The following FCHSD2 variants were observed in gnomAD, a reference collection of about 807,000 sequenced individuals.
FCHSD2 encodes the protein F-BAR and double SH3 domains protein 2.
A neutral mutation model predicts 108.1 loss-of-function variants in FCHSD2; 38 were observed. That is an observed-to-expected ratio of 0.35 (90% CI 0.27 to 0.46). FCHSD2 has a LOEUF of 0.46. Ranked by LOEUF, FCHSD2 falls within the 20% of genes least tolerant of loss-of-function variation. The pLI is 1.00. For missense variants in FCHSD2, 751 were observed against 897.8 expected, an observed-to-expected ratio of 0.84 and a Z score of 2.09; for synonymous variants, 279 against 314.7, an observed-to-expected ratio of 0.89 and a Z score of 1.20.
chr11:73,130,025 C>T (rs1239405326), intron 2 of FCHSD2, among the ~76,000 whole-genome samples: 1 of 151,770 alleles, frequency 6.6e-6, no homozygotes, highest in Non-Finnish European at 1.5e-5. Context: ...GGACTCCAGG[C>T]ACCCGCCACC....
chr11:73,012,932 C>T (rs559721202), intron 4 of FCHSD2, among the ~76,000 whole-genome samples: 1 of 152,290 alleles, frequency 6.6e-6, no homozygotes, highest in South Asian at 2.1e-4. Context: ...TTGATTTCTG[C>T]TACAATTTCC....
In FCHSD2 at chr11:72,921,728, C is replaced by CA. The variant is rs1478607661; in HGVS notation, c.828+99dup. 51 of 906,286 alleles carry CA rather than the reference C, an allele frequency of 5.6e-5. No individual in the cohort carries two copies. The African/African-American group carries it at 7.5e-4, about 13-fold the overall frequency. The allele number at this position is 906,286 out of a possible 1,614,324, so 56.1% of individuals were successfully genotyped here. On this transcript the variant is annotated intron_variant, in intron 9 of 19. Transcript: ENST00000409418. ...TTACCAGGAAATTTGTTCGTTAATG[C>CA]ATTCTTCTAATATCACTAGTACCTT...
intron 9 of FCHSD2, among the ~76,000 whole-genome samples, chr11:72,906,572 G>A (rs1855635171): frequency 6.6e-6 from 1 of 152,210 alleles, no homozygotes; most frequent in East Asian, 1.9e-4. Context: ...TTACATTTAA[G>A]TCTTTAATCC....
intron 8 of FCHSD2, among the ~76,000 whole-genome samples, chr11:72,959,211 TC>T (rs1193111204): frequency 1.4e-4 from 19 of 134,606 alleles, no homozygotes; most frequent in African/African-American, 4.5e-4. Context: ...ACTTCATATA[TC>T]CAGCAGTCTT....
intron 3 of FCHSD2, among the ~76,000 whole-genome samples, chr11:73,074,868 C>T (rs753608143): frequency 3.9e-5 from 6 of 152,162 alleles, no homozygotes; most frequent in South Asian, 2.1e-4. Context: ...ACTAGGATCA[C>T]GCCACTGCAC....
chr11:73,049,539 T>C (rs1591513166), intron 3 of FCHSD2, among the ~76,000 whole-genome samples: 1 of 90,234 alleles, frequency 1.1e-5, no homozygotes, highest in Non-Finnish European at 2.1e-5. Flanking sequence ...TGTGGTGGGG[T>C]CGGGGGAGGG....
At chr11:72,849,686 A>G in intron 14 of FCHSD2, 69 bp downstream of exon 14, 3 of 1,191,376 alleles carry the variant, frequency 2.5e-6, no homozygotes, top group Non-Finnish European at 3.7e-6. Context: ...GAGAGACTGG[A>G]TGGATACAGT....
chr11:72,999,986 A>T (rs1416559302), intron 5 of FCHSD2, among the ~76,000 whole-genome samples: 2 of 152,176 alleles, frequency 1.3e-5, no homozygotes, highest in African/African-American at 2.4e-5. Context: ...ATTTTTTGGC[A>T]AAGATAAAAC....
At chr11:73,022,349 G>A (rs1211826562) in intron 3 of FCHSD2, among the ~76,000 whole-genome samples, 2 of 152,120 alleles carry the variant, frequency 1.3e-5, no homozygotes, top group African/African-American at 4.8e-5. Flanking sequence ...TGACATGATT[G>A]TCTATGTAAG....
intron 3 of FCHSD2, among the ~76,000 whole-genome samples, chr11:73,033,818 G>T (rs1038291482): frequency 1.3e-5 from 2 of 152,188 alleles, no homozygotes; most frequent in African/African-American, 4.8e-5. Flanking sequence ...ACTAGGTTAA[G>T]TAGGTTTTTT....
chr11:72,993,623 C>T (rs1296587775), intron 5 of FCHSD2, among the ~76,000 whole-genome samples: 1 of 152,060 alleles, frequency 6.6e-6, no homozygotes, highest in Non-Finnish European at 1.5e-5. Flanking sequence ...ATGGATGAAG[C>T]TGGAAACCAT....
At chr11:72,860,240 G>A (rs1161213830) in intron 13 of FCHSD2, among the ~76,000 whole-genome samples, 1 of 152,142 alleles carries the variant, frequency 6.6e-6, no homozygotes, top group Non-Finnish European at 1.5e-5. Context: ...TAAAAGGTTC[G>A]TTCCAGTCTA....
At chr11:72,867,664 T>TA (rs1228842590) in intron 13 of FCHSD2, among the ~76,000 whole-genome samples, 20 of 151,940 alleles carry the variant, frequency 1.3e-4, no homozygotes, top group African/African-American at 2.9e-4. Flanking sequence ...CATCATACAT[T>TA]AAAAAAAACA....
At chr11:72,847,000 A>T (rs553464441) in intron 14 of FCHSD2, among the ~76,000 whole-genome samples, 44 of 152,184 alleles carry the variant, frequency 2.9e-4, no homozygotes, top group South Asian at 8.3e-4. Flanking sequence ...AAATTTTTTT[A>T]AAATTTATTT....
chr11:73,139,051 T>C (rs1018744139), intron 2 of FCHSD2, among the ~76,000 whole-genome samples: 7 of 152,220 alleles, frequency 4.6e-5, no homozygotes, highest in African/African-American at 1.4e-4. Context: ...TTTATATGCC[T>C]TAGTCATAAA....
intron 12 of FCHSD2, among the ~76,000 whole-genome samples, chr11:72,879,999 CAAAAAAAAA>C (rs541384964): frequency 0.01 from 647 of 63,172 alleles, 6 homozygotes; most frequent in Middle Eastern, 0.053. Context: ...AATTCTGTCT[CAAAAAAAAA>C]AAAAAAAAAA....
At chr11:72,867,132 G>A (rs1407329249) in intron 13 of FCHSD2, among the ~76,000 whole-genome samples, 2 of 152,182 alleles carry the variant, frequency 1.3e-5, no homozygotes, top group Non-Finnish European at 2.9e-5. Context: ...ATACCATTGA[G>A]GAAATAAACA....
intron 8 of FCHSD2, among the ~76,000 whole-genome samples, chr11:72,970,531 A>C (rs1441836993): frequency 6.6e-6 from 1 of 152,184 alleles, no homozygotes; most frequent in Non-Finnish European, 1.5e-5. Flanking sequence ...CTCAAGGTCA[A>C]ATTTTTTTCA....
chr11:73,078,782 G>A (rs531347471), intron 3 of FCHSD2, among the ~76,000 whole-genome samples: 4 of 152,256 alleles, frequency 2.6e-5, no homozygotes, highest in South Asian at 2.1e-4. Flanking sequence ...ACAGTGGTGC[G>A]ATCACAGCTC....
Sources: gnomAD v4.1 joint callset for allele counts (sites outside exome capture counted in the v4.1 genomes callset) on GRCh38, gnomAD v4.1.1 for gene constraint, MANE v1.5 for transcripts, NCBI Gene and HGNC (gene_info 2026-07-23, HGNC 2026-07-21) for gene names.